The following FREM1 variants were observed in gnomAD, a reference collection of about 807,000 sequenced individuals.
The protein encoded by FREM1 is FRAS1 related extracellular matrix 1.
A neutral mutation model predicts 210.1 loss-of-function variants in FREM1; 220 were observed. The ratio of observed to expected loss-of-function variants is 1.05; its 90% CI spans 0.94 to 1.17. The LOEUF (loss-of-function observed/expected upper bound fraction) is 1.17. FREM1 is among the 50% of genes most tolerant of loss of function. The pLI is 0.00. For missense variants in FREM1, 3,454 were observed against 2,675.5 expected (o/e 1.29, Z -6.42); for synonymous variants, 1,189 against 980.2 (o/e 1.21, Z -3.98).
chr9:14,851,573 G>A lies in FREM1; in HGVS notation c.863C>T (p.Ala288Val), dbSNP rs1216174096. The stretch of plus-strand genomic sequence containing the variant: ...CTTTGGAATCTGATTCGGAATTCCA[G>A]CTCTGATATAGACAGGCAGCCACGC... ...ESAWLPVYIR[A>V]GIPNQIPKAA... Residue 288 changes from alanine to valine, a missense_variant, in exon 6 of 37, where the codon GCT (alanine) becomes GTT (valine). Coordinates refer to ENST00000380880, the MANE Select transcript of FREM1 (RefSeq NM_001379081.2). 1.9e-6 allele frequency: 3 copies of A among 1,613,886 alleles called. No individual in the cohort carries two copies. The South Asian group carries it at 3.3e-5, about 18-fold the overall frequency.
rs779278079 is a variant in FREM1, at chr9:14,823,256, G to A, written c.2241C>T (p.Val747=). The stretch of plus-strand genomic sequence containing the variant: ...GGTTACTGACAGAAAATGTGAACTG[G>A]ACATCTCTGCAATGGGGACCAATGT... ...MQDIGPHCRD[V]QFTFSVSNQH... Residue 747 remains valine (V), a synonymous_variant, in exon 13 of 37, where the codon GTC becomes GTT. Transcript: ENST00000380880. The A allele has an allele frequency of 1.2e-6, 2 of 1,613,878 alleles. No individual in the cohort carries two copies. Among genetic ancestry groups the A allele is most frequent in the South Asian group, 2.2e-5 (2 of 91,082 alleles).
At chr9:14,859,864 T>C (rs1471431769) in intron 3 of FREM1, among the ~76,000 whole-genome samples, 1 of 152,156 alleles carries the variant, frequency 6.6e-6, no homozygotes, top group Non-Finnish European at 1.5e-5. Context: ...GGTGAGTGGT[T>C]TCTGAAGCAT....
rs79990114 is a variant in FREM1 at position 14,909,406 on chromosome 9, A to G, written c.-268+508T>C. ...GCCATTTCTTTGCCTCCCCAGCACT[A>G]TCTCTCTTCCCCACAATGAAACAGA... On this transcript the variant is annotated intron_variant, in intron 1 of 36. Transcript: ENST00000380880. Among the ~76,000 whole-genome samples the G allele has an allele frequency of 7.6e-3, 1,157 of 152,296 alleles. 73 individuals are homozygous for G. The East Asian group carries it at 0.17, about 23-fold the overall frequency.
At chr9:14,856,731 G>C (rs1029745087) in intron 5 of FREM1, among the ~76,000 whole-genome samples, 10 of 151,838 alleles carry the variant, frequency 6.6e-5, no homozygotes, top group Non-Finnish European at 1.3e-4. Context: ...TACTCGGGAG[G>C]CTGAGGCAGG....
At chr9:14,831,323 G>T (rs576431811) in intron 10 of FREM1, among the ~76,000 whole-genome samples, 1 of 152,306 alleles carries the variant, frequency 6.6e-6, no homozygotes, top group African/African-American at 2.4e-5. Context: ...TACAGTCTAG[G>T]AACAAAGTTA....
chr9:14,824,968 C>A lies in FREM1; in HGVS notation c.1906G>T (p.Val636Leu), dbSNP rs752831447. The A allele has an allele frequency of 6.2e-7, 1 of 1,600,294 alleles. No individual in the cohort carries two copies. Among genetic ancestry groups the A allele is most frequent in the South Asian group, 1.2e-5 (1 of 86,804 alleles). The change falls in exon 11 of 37, where the codon GTG (valine) becomes TTG (leucine). Residue 636 changes from valine to leucine, a missense_variant. By Grantham distance (32) the Val-to-Leu change is conservative. Transcript: ENST00000380880. ...GCCTCTTTTGGAAGCTGGTCATCCA[C>A]TGGAGTTATATGGATTGTTGCCACC... The part of the protein sequence containing the change: ...PQVATIHITP[V>L]DDQLPKEAPG...
chr9:14,811,154 C>G (rs1415163179), intron 16 of FREM1, among the ~76,000 whole-genome samples: 1 of 152,022 alleles, frequency 6.6e-6, no homozygotes. Flanking sequence ...ACCAAAATAC[C>G]CTTTGAATCG....
chr9:14,813,270 C>A (rs982610921), intron 15 of FREM1, among the ~76,000 whole-genome samples: 3 of 152,216 alleles, frequency 2.0e-5, no homozygotes, highest in Non-Finnish European at 4.4e-5. Flanking sequence ...ATGTGACAGA[C>A]ATTTTAGGTA....
Position 14,748,457 on chromosome 9 carries a change from A to G in FREM1, c.5740T>C (p.Phe1914Leu), listed in dbSNP as rs1464754091. ...CTTTGAGAAAGATCTGTAGAATCAA[A>G]GCCCCGCAGGGTGTCTCCCCTGATG... ...AVIRGDTLRG[F>L]DSTDLSQRKL... Residue 1914 changes from phenylalanine (F) to leucine (L), a missense_variant, in exon 31 of 37, where the codon TTT becomes CTT. Phe to Leu is a conservative substitution (Grantham distance 22, BLOSUM62 0). Coordinates refer to ENST00000380880, the MANE Select transcript of FREM1 (RefSeq NM_001379081.2). The G allele has an allele frequency of 1.2e-6, 2 of 1,613,794 alleles. No individual in the cohort carries two copies. Among genetic ancestry groups the G allele is most frequent in the South Asian group, 2.2e-5 (2 of 91,070 alleles).
At chr9:14,867,566 G>A (rs1831761027) in intron 2 of FREM1, among the ~76,000 whole-genome samples, 1 of 152,100 alleles carries the variant, frequency 6.6e-6, no homozygotes, top group Admixed American at 6.5e-5. Context: ...TTTCAGAATG[G>A]GTCTATAACT....
At chr9:14,875,383 C>G (rs1169193968) in intron 1 of FREM1, among the ~76,000 whole-genome samples, 2 of 152,082 alleles carry the variant, frequency 1.3e-5, no homozygotes, top group African/African-American at 2.4e-5. Context: ...TCCTTTTATT[C>G]TTTTTTCTCT....
chr9:14,856,460 A>G (rs771880270), intron 5 of FREM1, among the ~76,000 whole-genome samples: 5 of 152,096 alleles, frequency 3.3e-5, no homozygotes, highest in Admixed American at 6.6e-5. Flanking sequence ...CCTTGGGGTA[A>G]TAATGTTCAA....
Position 14,868,852 on chromosome 9 carries a change from C to A in FREM1, c.126G>T (p.Leu42=), listed in dbSNP as rs1832047865. The stretch of plus-strand genomic sequence containing the variant: ...TGGCAAACTTCAGGTCATCTCCTGA[C>A]AGGAAGGCAGAGTGGCCCTTCATCA... ...VRVMKGHSAF[L]SGDDLKFAIP... is the part of the protein sequence containing the mutation. Residue 42 remains leucine (L), a synonymous_variant, in exon 2 of 37, where the codon CTG becomes CTT. Transcript: ENST00000380880. The A allele has an allele frequency of 6.2e-7, 1 of 1,610,614 alleles. No homozygotes were observed. Among genetic ancestry groups the A allele is most frequent in the South Asian group, 1.1e-5 (1 of 90,148 alleles).
intron 19 of FREM1, among the ~76,000 whole-genome samples, chr9:14,804,147 C>T (rs755457403): frequency 1.4e-4 from 21 of 152,046 alleles, no homozygotes; most frequent in Admixed American, 1.0e-3. Flanking sequence ...CAGCTATCTA[C>T]AAAATAAATG....
At chr9:14,910,763 T>A (rs1207439526), upstream of FREM1, 1 of 152,346 alleles carries the variant, frequency 6.6e-6, no homozygotes, top group African/African-American at 2.4e-5. Context: ...CACATGTACA[T>A]ACTCACACAG....
In FREM1 at chr9:14,755,256, C is replaced by T. The variant is rs566365685; in HGVS notation, c.5407+1118G>A. Among the ~76,000 whole-genome samples, 95 of 152,336 alleles carry T rather than the reference C, an allele frequency of 6.2e-4. 1 individual carries two copies. The highest frequency in any genetic ancestry group is 2.1e-3 in the African/African-American group (86 of 41,584). ...CAAGCATCATGCTACTTGCAGTGAA[C>T]TGCAGAGAGCCATTTCTTTTCTGTG... On this transcript the variant is annotated intron_variant, in intron 29 of 36. Transcript: ENST00000380880.
chr9:14,739,468 ATATATAT>A lies in FREM1; in HGVS notation c.6340+674_6340+680del, dbSNP rs1563802072. Among the ~76,000 whole-genome samples the A allele has an allele frequency of 4.1e-4, 55 of 134,164 alleles. 1 individual carries two copies. Among genetic ancestry groups the A allele is most frequent in the African/African-American group, 1.5e-3 (53 of 34,718 alleles). 88.0% of individuals were successfully genotyped at this position (134,164 alleles called of 152,430 possible). On this transcript the variant is annotated intron_variant, in intron 36 of 36. Coordinates refer to ENST00000380880, the MANE Select transcript of FREM1 (RefSeq NM_001379081.2). ...ATTTGGAATATATATATATATATAT[ATATATAT>A]AATTCATATATATATATTCATATAT... is the stretch of plus-strand genomic sequence containing the variant.
chr9:14,806,470 A>G (rs2133405859), intron 18 of FREM1, among the ~76,000 whole-genome samples, 191 bp downstream of exon 18: 1 of 152,012 alleles, frequency 6.6e-6, no homozygotes, highest in African/African-American at 2.4e-5. Context: ...GTCAGGCTGG[A>G]CTCAAACTCC....
At chr9:14,903,228 A>G (rs1444171880) in intron 1 of FREM1, among the ~76,000 whole-genome samples, 1 of 152,250 alleles carries the variant, frequency 6.6e-6, no homozygotes, top group Non-Finnish European at 1.5e-5. Flanking sequence ...GGCCACAGTC[A>G]TTCATGAGAC....
Sources: gnomAD v4.1 joint callset for allele counts (sites outside exome capture counted in the v4.1 genomes callset) on GRCh38, gnomAD v4.1.1 for gene constraint, MANE v1.5 for transcripts, NCBI Gene and HGNC (gene_info 2026-07-23, HGNC 2026-07-21) for gene names.